LAMA4: variants seen among roughly 807,000 people sequenced by gnomAD.
The protein encoded by LAMA4 is laminin subunit alpha-4.
In LAMA4, 127 loss-of-function variants were observed where a neutral mutation model predicts 207.1. The observed-to-expected ratio is 0.61, with a 90% CI of 0.53 to 0.71. LAMA4 has a LOEUF of 0.71. Among genes scored for constraint, LAMA4 ranks in the 30% least tolerant of loss-of-function variants. The pLI, the probability that LAMA4 is intolerant of heterozygous loss-of-function variation, is 0.00. For missense variants in LAMA4, 2,093 were observed against 2,246.5 expected (o/e 0.93, Z 1.38); for synonymous variants, 761 against 816.0 (o/e 0.93, Z 1.15).
intron 2 of LAMA4, among the ~76,000 whole-genome samples, chr6:112,228,598 T>C (rs782203586): frequency 1.1e-4 from 16 of 152,148 alleles, no homozygotes; most frequent in Admixed American, 1.3e-4. Flanking sequence ...TTTGCAAAGA[T>C]CTGCTCCCTC....
At chr6:112,215,458 CA>C (rs1784571941) in intron 3 of LAMA4, among the ~76,000 whole-genome samples, 1 of 152,180 alleles carries the variant, frequency 6.6e-6, no homozygotes. Context: ...GACAATTATG[CA>C]AATGTTGAGT....
intron 6 of LAMA4, among the ~76,000 whole-genome samples, chr6:112,190,865 G>GTTTCTT (rs1554348346): frequency 2.0e-5 from 3 of 148,766 alleles, no homozygotes; most frequent in African/African-American, 7.5e-5. Flanking sequence ...ACCATGCAAG[G>GTTTCTT]TTTCTTTTTC....
chr6:112,184,305 T>A (rs1257628630), intron 9 of LAMA4, among the ~76,000 whole-genome samples: 2 of 149,766 alleles, frequency 1.3e-5, no homozygotes, highest in Non-Finnish European at 3.0e-5. Context: ...CTCTGGCCAG[T>A]ACTGGTGGAA....
chr6:112,185,523 T>C (rs1782634152), intron 8 of LAMA4, among the ~76,000 whole-genome samples, 176 bp from the exon 9 acceptor site: 1 of 152,150 alleles, frequency 6.6e-6, no homozygotes, highest in Non-Finnish European at 1.5e-5. Flanking sequence ...CAGAGGGGAC[T>C]GAGGCCCTTA....
At chr6:112,201,775 G>C (rs1783762293) in intron 4 of LAMA4, 87 bp from the exon 5 acceptor site, 2 of 1,117,772 alleles carry the variant, frequency 1.8e-6, no homozygotes, top group East Asian at 4.7e-5. Context: ...CTCTATGTTG[G>C]TCCCATTAAA....
chr6:112,173,734 C>T (rs1389570228), intron 11 of LAMA4, among the ~76,000 whole-genome samples: 1 of 152,162 alleles, frequency 6.6e-6, no homozygotes, highest in African/African-American at 2.4e-5. Flanking sequence ...TAATGTCTTT[C>T]TACAGTATCC....
At chr6:112,223,962 T>C (rs990051788) in intron 2 of LAMA4, among the ~76,000 whole-genome samples, 7 of 152,218 alleles carry the variant, frequency 4.6e-5, no homozygotes, top group African/African-American at 1.7e-4. Flanking sequence ...AATTCCCCTT[T>C]GTCTTGACTC....
At position 112,133,416 on chromosome 6, in the gene LAMA4, T is replaced by G; in HGVS notation, c.3629A>C (p.Lys1210Thr). Reference protein sequence around the residue: ...GCMKGFQFQKKDFNLLEQTET... With the variant: ...GCMKGFQFQKTDFNLLEQTET... ...TGTCTGCTCCAGTAAATTGAAGTCC[T>G]TCTTTTGGAACTGGAAGCCCTTCAT... Residue 1210 changes from lysine (K) to threonine (T), a missense_variant, in exon 27 of 39, where the codon AAG becomes ACG. Around this residue, in one of 3 missense-constraint regions of LAMA4, gnomAD observed 1,704 missense variants for 1,788.4 expected, o/e 0.95. Transcript: ENST00000230538. The G allele has an allele frequency of 6.2e-7, 1 of 1,613,928 alleles. No individual in the cohort carries two copies. The highest frequency in any genetic ancestry group is 8.5e-7 in the Non-Finnish European group (1 of 1,179,830).
intron 3 of LAMA4, among the ~76,000 whole-genome samples, chr6:112,214,687 A>G (rs1386192159): frequency 6.6e-6 from 1 of 152,246 alleles, no homozygotes; most frequent in Non-Finnish European, 1.5e-5. Context: ...GTTGGAACAA[A>G]GTAGTTGGAG....
At chr6:112,175,731 G>A (rs1781987087) in intron 10 of LAMA4, among the ~76,000 whole-genome samples, 1 of 152,190 alleles carries the variant, frequency 6.6e-6, no homozygotes, top group African/African-American at 2.4e-5. Context: ...CTTCAGAATG[G>A]GAACTGGCTA....
At chr6:112,182,792 C>T (rs1269506767) in intron 9 of LAMA4, among the ~76,000 whole-genome samples, 1 of 152,152 alleles carries the variant, frequency 6.6e-6, no homozygotes, top group Non-Finnish European at 1.5e-5. Context: ...AGCCCAGTGA[C>T]ACTCTGACCT....
intron 8 of LAMA4, chr6:112,186,758 T>C (rs77529991): frequency 5.8e-5 from 26 of 449,488 alleles, no homozygotes; most frequent in East Asian, 5.6e-4. Context: ...CATTATTTTT[T>C]ATTGTTTTTA....
chr6:112,191,454 C>T (rs2114964384), intron 6 of LAMA4, among the ~76,000 whole-genome samples, 182 bp downstream of exon 6: 1 of 152,268 alleles, frequency 6.6e-6, no homozygotes. Context: ...TATTAGTAGC[C>T]TTGATAAAAA....
At chr6:112,179,927 C>A (rs1046810303) in intron 9 of LAMA4, 1 of 532,920 alleles carries the variant, frequency 1.9e-6, no homozygotes, top group Non-Finnish European at 3.8e-6. Context: ...CAATTCCAGT[C>A]TTCTTCTTGG....
intron 2 of LAMA4, among the ~76,000 whole-genome samples, chr6:112,242,384 A>G (rs144301496): frequency 1.1e-4 from 17 of 152,202 alleles, no homozygotes; most frequent in Middle Eastern, 3.4e-3. Context: ...GCCATAATTT[A>G]TGTTTTTTGG....
At chr6:112,185,208 T>C (rs1554346255) in intron 9 of LAMA4, 29 bp downstream of exon 9, 1 of 1,402,314 alleles carries the variant, frequency 7.1e-7, no homozygotes. Flanking sequence ...TTGAAGGCTG[T>C]CCCAGAAACT....
At position 112,132,887 on chromosome 6, in the gene LAMA4, AT is replaced by A. The variant is rs1779122878; in HGVS notation, c.3699del (p.Ser1234LeufsTer62). The A allele has an allele frequency of 1.2e-6, 2 of 1,612,956 alleles. No individual in the cohort carries two copies. Among genetic ancestry groups the A allele is most frequent in the Non-Finnish European group, 1.7e-6 (2 of 1,179,288 alleles). On this transcript the variant is annotated frameshift_variant and splice_region_variant, in exon 28 of 39. Coordinates refer to ENST00000230538, the MANE Select transcript of LAMA4 (RefSeq NM_001105206.3). LOFTEE classifies it high-confidence loss of function. ...VGYGCPEDSLISRRAYFNGQS... is the reference protein window; with the variant it reads ...VGYGCPEDSLXSRRAYFNGQS... ...TGTCCATTGAAATATGCTCTGCGAGATATCTGTGTGCCAGAACAAGTGGAGA... is the reference window on the plus strand; with the variant it reads ...TGTCCATTGAAATATGCTCTGCGAGAATCTGTGTGCCAGAACAAGTGGAGA...
intron 2 of LAMA4, among the ~76,000 whole-genome samples, chr6:112,246,597 T>C (rs1584011283): frequency 6.6e-6 from 1 of 151,010 alleles, no homozygotes; most frequent in African/African-American, 2.4e-5. Context: ...CTCCGCTCAC[T>C]GCAACCTCCG....
At chr6:112,198,882 A>G (rs1783572914) in intron 5 of LAMA4, among the ~76,000 whole-genome samples, 1 of 152,168 alleles carries the variant, frequency 6.6e-6, no homozygotes. Context: ...ATCTCATAAC[A>G]GTTTTATGAG....
Sources: allele counts gnomAD v4.1 joint callset (sites outside exome capture counted in the v4.1 genomes callset), GRCh38; gene constraint gnomAD v4.1.1; regional missense constraint gnomAD v4.1.1; transcripts MANE v1.5; gene names NCBI Gene and HGNC (gene_info 2026-07-23, HGNC 2026-07-21).